Variants in UGT3A2 observed in about 807,000 individuals in gnomAD.
UGT3A2 encodes the protein UDP glycosyltransferase family 3 member A2.
Under a neutral mutation model 39.8 loss-of-function variants are expected in UGT3A2, and 32 were observed. The ratio of observed to expected loss-of-function variants is 0.80; its 90% CI spans 0.61 to 1.08. UGT3A2 has a LOEUF of 1.08. Among genes scored for constraint, UGT3A2 ranks in the 50% least tolerant of loss-of-function variants. The probability of loss-of-function intolerance (pLI) is 0.00; values close to 1 mark genes in which losing one functional copy is unlikely to be tolerated. For synonymous variants in UGT3A2, 241 were observed against 230.7 expected (o/e 1.04, Z -0.40); for missense variants, 611 against 637.1 (o/e 0.96, Z 0.44).
At chr5:36,049,905 G>A (rs1742286507) in intron 3 of UGT3A2, among the ~76,000 whole-genome samples, 1 of 152,178 alleles carries the variant, frequency 6.6e-6, no homozygotes, top group South Asian at 2.1e-4. Flanking sequence ...GTGAGGCAAT[G>A]AGAGATTGCC....
intron 2 of UGT3A2, among the ~76,000 whole-genome samples, chr5:36,059,083 G>C (rs936236247): frequency 6.6e-6 from 1 of 152,168 alleles, no homozygotes; most frequent in African/African-American, 2.4e-5. Flanking sequence ...AATAGGGATA[G>C]ATAAAGACTA....
In UGT3A2 at chr5:36,037,943, C is replaced by G; in HGVS notation, c.1149G>C (p.Val383=). The G allele has an allele frequency of 6.2e-7, 1 of 1,614,142 alleles. No individual in the cohort carries two copies. Among genetic ancestry groups the G allele is most frequent in the Non-Finnish European group, 8.5e-7 (1 of 1,180,012 alleles). Reference sequence around the variant, plus strand: ...CAAAGAGAGGGATCCCCACCATGGGCACACCATGCTGGATGGCCTCCATTA... The same window carrying G: ...CAAAGAGAGGGATCCCCACCATGGGGACACCATGCTGGATGGCCTCCATTA... ...NSIMEAIQHG[V]PMVGIPLFGD... Residue 383 remains valine, a synonymous_variant, in exon 6 of 7, where the codon GTG becomes GTC. Transcript: ENST00000282507.
At chr5:36,039,182 G>T (rs1008786209) in intron 5 of UGT3A2, among the ~76,000 whole-genome samples, 1 of 152,170 alleles carries the variant, frequency 6.6e-6, no homozygotes. Flanking sequence ...GGGTGACCTT[G>T]TCCAAGACCA....
In UGT3A2 at chr5:36,049,240, G is replaced by T. The variant is rs1401353744; in HGVS notation, c.492C>A (p.Ala164=). 6.2e-7 allele frequency: 1 copy of T among 1,614,010 alleles called. No individual in the cohort carries two copies. Among genetic ancestry groups the T allele is most frequent in the East Asian group, 2.2e-5 (1 of 44,880 alleles). The change falls in exon 4 of 7, where the codon GCC becomes GCA. Residue 164 remains alanine (A), a synonymous_variant. Coordinates refer to ENST00000282507, the MANE Select transcript of UGT3A2 (RefSeq NM_174914.4). ...AAGAGCCGAATGAAGTGGAAAGAAT[G>T]GCCACAAATGGCTTCCCAAGCTTCT... ...IAEKLGKPFV[A]ILSTSFGSLE... is the part of the protein sequence containing the mutation.
chr5:36,056,782 A>G (rs1240367036), intron 2 of UGT3A2, among the ~76,000 whole-genome samples: 1 of 152,236 alleles, frequency 6.6e-6, no homozygotes, highest in Non-Finnish European at 1.5e-5. Flanking sequence ...CCAAAACCAT[A>G]AAGTCCTCGT....
At chr5:36,059,844 G>C (rs923400119) in intron 2 of UGT3A2, among the ~76,000 whole-genome samples, 7 of 152,274 alleles carry the variant, frequency 4.6e-5, no homozygotes, top group South Asian at 2.1e-4. Context: ...TACTAAGGTG[G>C]GGACCAGGGT....
intron 4 of UGT3A2, among the ~76,000 whole-genome samples, chr5:36,046,147 G>A (rs978532671): frequency 2.0e-5 from 3 of 152,140 alleles, no homozygotes; most frequent in Non-Finnish European, 2.9e-5. Context: ...AAGCAAACTC[G>A]CACATTGTTT....
rs770638981 is a variant in UGT3A2, at chr5:36,035,277, C to CA, written c.*420dup. The CA allele has an allele frequency of 5.2e-6, 1 of 193,776 alleles. No homozygotes were observed. The highest frequency in any genetic ancestry group is 1.1e-5 in the Non-Finnish European group (1 of 91,998). The allele number at this position is 193,776 out of a possible 1,614,324, so 12.0% of individuals were successfully genotyped here. A position where few individuals can be genotyped will look rare whatever the true frequency, so the allele number is the denominator to read the frequency against. On this transcript the variant is annotated 3_prime_UTR_variant, in exon 7 of 7. Coordinates refer to ENST00000282507, the MANE Select transcript of UGT3A2 (RefSeq NM_174914.4). ...AAGGTGTCTTTCTTGGATGTTATTC[C>CA]ATGATAGATAGTAGGGGCAGGAGTG...
intron 4 of UGT3A2, among the ~76,000 whole-genome samples, chr5:36,044,862 C>T (rs567198806): frequency 2.8e-4 from 42 of 152,162 alleles, no homozygotes; most frequent in African/African-American, 9.9e-4. Flanking sequence ...AGCTATTCCA[C>T]GTTCATGCAC....
At chr5:36,048,831 A>C (rs1742245241) in intron 4 of UGT3A2, 58 bp downstream of exon 4, 1 of 1,564,180 alleles carries the variant, frequency 6.4e-7, no homozygotes, top group South Asian at 1.2e-5. Context: ...GGCAGCCACC[A>C]ACTATGCACT....
chr5:36,039,153 G>C (rs890381699), intron 5 of UGT3A2, among the ~76,000 whole-genome samples: 2 of 152,188 alleles, frequency 1.3e-5, no homozygotes, highest in Non-Finnish European at 2.9e-5. Context: ...GAGTTGATAG[G>C]TTGTCTTTAA....
chr5:36,065,536 C>A (rs1742853783), intron 1 of UGT3A2, among the ~76,000 whole-genome samples: 1 of 152,122 alleles, frequency 6.6e-6, no homozygotes. Flanking sequence ...GGGCTGTGTA[C>A]TTTCAAGAAG....
chr5:36,040,084 G>A (rs1741959225), intron 4 of UGT3A2, among the ~76,000 whole-genome samples: 1 of 152,028 alleles, frequency 6.6e-6, no homozygotes, highest in Non-Finnish European at 1.5e-5. Flanking sequence ...GAGATGCTGG[G>A]AGAACACTTC....
intron 6 of UGT3A2, among the ~76,000 whole-genome samples, chr5:36,036,354 A>G (rs908271173): frequency 2.0e-5 from 3 of 152,236 alleles, no homozygotes; most frequent in African/African-American, 7.2e-5. Context: ...GCTAAAGCCT[A>G]CACATTCCTG....
intron 6 of UGT3A2, 91 bp from the exon 7 acceptor site, chr5:36,036,065 A>C: frequency 6.9e-7 from 1 of 1,455,274 alleles, no homozygotes; most frequent in Non-Finnish European, 9.3e-7. Context: ...CCAAAGACTG[A>C]GTTCCAAGGA....
chr5:36,064,887 T>G (rs1034137598), intron 1 of UGT3A2, among the ~76,000 whole-genome samples: 3 of 152,202 alleles, frequency 2.0e-5, no homozygotes, highest in African/African-American at 7.2e-5. Flanking sequence ...GGGCCACTAC[T>G]TAGAATCCAA....
chr5:36,051,768 G>A (rs553793730), intron 3 of UGT3A2, 102 bp downstream of exon 3: 73 of 852,768 alleles, frequency 8.6e-5, no homozygotes, highest in African/African-American at 7.6e-4. Context: ...CCATCCATTC[G>A]TCACTTTCTC....
intron 2 of UGT3A2, among the ~76,000 whole-genome samples, chr5:36,063,544 G>A (rs868620799): frequency 2.0e-5 from 3 of 152,118 alleles, no homozygotes; most frequent in Non-Finnish European, 4.4e-5. Context: ...CTTAAATTCC[G>A]ATATCATAAA....
chr5:36,051,054 T>C (rs1742326788), intron 3 of UGT3A2, among the ~76,000 whole-genome samples: 2 of 152,116 alleles, frequency 1.3e-5, no homozygotes, highest in Non-Finnish European at 2.9e-5. Context: ...CGAGATGATA[T>C]AGGCTAAGTG....
Sources: allele counts gnomAD v4.1 joint callset (sites outside exome capture counted in the v4.1 genomes callset), GRCh38; gene constraint gnomAD v4.1.1; transcripts MANE v1.5; gene names NCBI Gene and HGNC (gene_info 2026-07-23, HGNC 2026-07-21).